The following DYNC1I1 variants were observed in gnomAD, a reference collection of about 807,000 sequenced individuals.
The protein encoded by DYNC1I1 is dynein cytoplasmic 1 intermediate chain 1, also known as cytoplasmic dynein 1 intermediate chain 1.
A neutral mutation model predicts 86.6 loss-of-function variants in DYNC1I1; 43 were observed. That is an observed-to-expected ratio of 0.50 (90% CI 0.39 to 0.64). DYNC1I1 has a LOEUF of 0.64. DYNC1I1 is among the 30% of genes least tolerant of loss of function. The pLI is 0.00. For missense variants in DYNC1I1, 604 were observed against 788.8 expected (o/e 0.77, Z 2.81); for synonymous variants, 262 against 283.7 (o/e 0.92, Z 0.77).
chr7:95,996,035 T>A lies in DYNC1I1; in HGVS notation c.931T>A (p.Phe311Ile). 1 of 1,613,860 alleles carries A rather than the reference T, an allele frequency of 6.2e-7. No individual in the cohort carries two copies. Among genetic ancestry groups the A allele is most frequent in the Non-Finnish European group, 8.5e-7 (1 of 1,179,906 alleles). ...DGVALVWNMK[F>I]KKTTPEYVFH... is the part of the protein sequence containing the mutation. ...AGTGGCCTTGGTTTGGAACATGAAG[T>A]TTAAGAAAACCACACCAGAATACGT... Residue 311 changes from phenylalanine (F) to isoleucine (I), a missense_variant, in exon 10 of 17, where the codon TTT (phenylalanine) becomes ATT (isoleucine). Phe to Ile is a conservative substitution (Grantham distance 21, BLOSUM62 0). Transcript: ENST00000447467.
intron 4 of DYNC1I1, among the ~76,000 whole-genome samples, chr7:95,824,630 G>A (rs1364147562): frequency 6.6e-6 from 1 of 152,252 alleles, no homozygotes; most frequent in Middle Eastern, 3.4e-3. Context: ...AAGCTAAAAG[G>A]CAGTTGAATA....
chr7:96,076,805 T>A (rs375353793), intron 15 of DYNC1I1, among the ~76,000 whole-genome samples: 3 of 152,196 alleles, frequency 2.0e-5, no homozygotes, highest in African/African-American at 7.2e-5. Context: ...AAAATAGATT[T>A]TAACATGTCA....
At chr7:95,900,199 C>G (rs973368147) in intron 6 of DYNC1I1, among the ~76,000 whole-genome samples, 8 of 152,168 alleles carry the variant, frequency 5.3e-5, no homozygotes, top group East Asian at 1.9e-4. Context: ...CAGCATGCCA[C>G]TGGAAAGGAA....
intron 6 of DYNC1I1, among the ~76,000 whole-genome samples, chr7:95,958,328 C>T (rs1465302664): frequency 6.6e-6 from 1 of 152,180 alleles, no homozygotes; most frequent in African/African-American, 2.4e-5. Context: ...CAATAGCTCA[C>T]AAGTGTACTC....
intron 6 of DYNC1I1, among the ~76,000 whole-genome samples, chr7:95,955,224 T>C (rs139916409): frequency 6.6e-6 from 1 of 152,274 alleles, no homozygotes; most frequent in African/African-American, 2.4e-5. Flanking sequence ...TGTATGAAAA[T>C]ACCATGTTGC....
intron 4 of DYNC1I1, chr7:95,818,666 A>G (rs1343193823): frequency 6.2e-6 from 3 of 486,030 alleles, no homozygotes; most frequent in Non-Finnish European, 1.1e-5. Context: ...TTACTATTAT[A>G]GAAACAACAC....
chr7:95,774,377 C>T (rs1793788580), intron 1 of DYNC1I1, among the ~76,000 whole-genome samples: 1 of 152,160 alleles, frequency 6.6e-6, no homozygotes, highest in Non-Finnish European at 1.5e-5. Flanking sequence ...GTGCACAGTC[C>T]CCTGGAGGAG....
chr7:95,867,618 T>C (rs1022201818), intron 5 of DYNC1I1, among the ~76,000 whole-genome samples: 1 of 152,204 alleles, frequency 6.6e-6, no homozygotes, highest in African/African-American at 2.4e-5. Flanking sequence ...GGGCTGCAGC[T>C]TACGTCATGT....
At chr7:95,789,240 G>A (rs948787811) in intron 1 of DYNC1I1, among the ~76,000 whole-genome samples, 2 of 152,168 alleles carry the variant, frequency 1.3e-5, no homozygotes, top group African/African-American at 4.8e-5. Context: ...TTTCAGATGG[G>A]TATTTGCTTT....
chr7:95,967,154 CATAAAT>C (rs1183514893), intron 6 of DYNC1I1, among the ~76,000 whole-genome samples: 1 of 152,082 alleles, frequency 6.6e-6, no homozygotes, highest in Admixed American at 6.6e-5. Context: ...GGAAAAAACT[CATAAAT>C]ATACAGAATT....
intron 6 of DYNC1I1, among the ~76,000 whole-genome samples, chr7:95,903,010 A>G (rs940010238): frequency 1.3e-5 from 2 of 152,156 alleles, no homozygotes; most frequent in African/African-American, 4.8e-5. Context: ...CAGGAACATC[A>G]TTAATTTAGT....
At chr7:96,076,538 T>A (rs1329013651) in intron 15 of DYNC1I1, among the ~76,000 whole-genome samples, 1 of 152,194 alleles carries the variant, frequency 6.6e-6, no homozygotes. Context: ...AGGCAAATAC[T>A]TGGAAAAGAA....
rs562722526 is a variant in DYNC1I1, at chr7:95,851,032, C to T, written c.375-18851C>T. ...TGAATGCAGCCCACTGCAACCTCAACCTCCTGCGATCCTCCTGCCTCAGCC... is the reference window on the plus strand; with the variant it reads ...TGAATGCAGCCCACTGCAACCTCAATCTCCTGCGATCCTCCTGCCTCAGCC... On this transcript the variant is annotated intron_variant, in intron 5 of 16. Coordinates refer to ENST00000447467, the MANE Select transcript of DYNC1I1 (RefSeq NM_001135556.2). 5.9e-5 allele frequency among the ~76,000 whole-genome samples: 9 copies of T among 151,952 alleles called. No homozygotes were observed. In the South Asian group the frequency reaches 1.5e-3, roughly 25 times the overall value.
chr7:95,941,319 C>T (rs911004065), intron 6 of DYNC1I1, among the ~76,000 whole-genome samples: 2 of 151,888 alleles, frequency 1.3e-5, no homozygotes, highest in Non-Finnish European at 2.9e-5. Context: ...AGAACCACTG[C>T]TCTCTTCAAA....
intron 9 of DYNC1I1, among the ~76,000 whole-genome samples, chr7:95,992,481 G>C (rs1221559026): frequency 6.6e-6 from 1 of 152,080 alleles, no homozygotes; most frequent in Non-Finnish European, 1.5e-5. Flanking sequence ...TTTAACCCAG[G>C]ACTCTGGGTT....
At chr7:96,084,978 A>C (rs1790637018) in intron 16 of DYNC1I1, among the ~76,000 whole-genome samples, 1 of 152,004 alleles carries the variant, frequency 6.6e-6, no homozygotes, top group African/African-American at 2.4e-5. Flanking sequence ...ATTGTTGAGA[A>C]CTCCCTGAAG....
At chr7:96,071,976 C>A (rs534689503) in intron 14 of DYNC1I1, among the ~76,000 whole-genome samples, 6 of 152,294 alleles carry the variant, frequency 3.9e-5, no homozygotes, top group Non-Finnish European at 7.4e-5. Context: ...CTAGGAAAAC[C>A]TGAGAACCAA....
chr7:96,081,903 A>G (rs1790531112), intron 16 of DYNC1I1, among the ~76,000 whole-genome samples: 1 of 92,998 alleles, frequency 1.1e-5, no homozygotes, highest in South Asian at 3.8e-4. Context: ...TTCTGGATGC[A>G]TAATTCTAAG....
At chr7:95,831,912 G>A (rs1354782066) in intron 5 of DYNC1I1, among the ~76,000 whole-genome samples, 1 of 151,922 alleles carries the variant, frequency 6.6e-6, no homozygotes, top group African/African-American at 2.4e-5. Flanking sequence ...CAGTAATATG[G>A]ATTAAAATAT....
Sources: allele counts gnomAD v4.1 joint callset (sites outside exome capture counted in the v4.1 genomes callset), GRCh38; gene constraint gnomAD v4.1.1; transcripts MANE v1.5; gene names NCBI Gene and HGNC (gene_info 2026-07-23, HGNC 2026-07-21).